The following LRCH2 variants were observed in gnomAD, a reference collection of about 807,000 sequenced individuals.
LRCH2 encodes leucine rich repeats and calponin homology domain containing 2.
A neutral mutation model predicts 68.9 loss-of-function variants in LRCH2; 38 were observed. The observed-to-expected ratio is 0.55, with a 90% CI of 0.43 to 0.72. LRCH2 has a LOEUF of 0.72. Ranked by LOEUF, LRCH2 falls within the 30% of genes least tolerant of loss-of-function variation. LRCH2 has a pLI of 0.00. For synonymous variants in LRCH2, 191 were observed against 208.1 expected (o/e 0.92, Z 0.71); for missense variants, 528 against 572.9 (o/e 0.92, Z 0.80).
chrX:115,206,406 T>C (rs1460310588), intron 1 of LRCH2, among the ~76,000 whole-genome samples: 1 of 112,037 alleles, frequency 8.9e-6, no homozygotes, highest in African/African-American at 3.2e-5. Flanking sequence ...CACTGGAAGG[T>C]TGTGGGTTTA....
chrX:115,129,712 T>C (rs911990118), intron 15 of LRCH2, among the ~76,000 whole-genome samples: 9 of 111,984 alleles, frequency 8.0e-5, no homozygotes, highest in Admixed American at 7.6e-4. Flanking sequence ...GGCTGCTGCA[T>C]AGTTTACACT....
At chrX:115,183,670 G>A (rs1427010427) in intron 3 of LRCH2, among the ~76,000 whole-genome samples, 1 of 110,894 alleles carries the variant, frequency 9.0e-6, no homozygotes, top group Non-Finnish European at 1.9e-5. Context: ...CACCAGTCTG[G>A]GCAACAGAGC....
intron 3 of LRCH2, among the ~76,000 whole-genome samples, chrX:115,183,446 G>C (rs2072709042): frequency 1.8e-5 from 2 of 111,553 alleles, no homozygotes; most frequent in Admixed American, 9.6e-5. Flanking sequence ...TGTAATGCCA[G>C]CACTTTGGGA....
intron 1 of LRCH2, chrX:115,190,909 G>A (rs868944256): frequency 8.6e-6 from 10 of 1,163,639 alleles, no homozygotes; most frequent in Non-Finnish European, 8.0e-6. Flanking sequence ...CTCGCCCGAG[G>A]CCTACAGTGG....
At chrX:115,123,464 T>A (rs1426626208) in intron 17 of LRCH2, among the ~76,000 whole-genome samples, 1 of 112,158 alleles carries the variant, frequency 8.9e-6, no homozygotes, top group Non-Finnish European at 1.9e-5. Context: ...TAAAAATGAT[T>A]ACTGAACATA....
chrX:115,177,046 C>CTT (rs35686915), intron 5 of LRCH2, among the ~76,000 whole-genome samples: 49 of 66,659 alleles, frequency 7.4e-4, no homozygotes, highest in African/African-American at 2.8e-3. Context: ...CGCACCCAGC[C>CTT]TTTTTTTTTT....
At chrX:115,140,219 C>A (rs782581375) in intron 14 of LRCH2, among the ~76,000 whole-genome samples, 1 of 111,374 alleles carries the variant, frequency 9.0e-6, no homozygotes, top group East Asian at 2.9e-4. Flanking sequence ...CCATTCCAGG[C>A]CCCAGCTCCT....
Position 115,122,789 on chromosome X carries a change from C to T in LRCH2, c.2071G>A (p.Ala691Thr). 8.3e-7 allele frequency: 1 copy of T among 1,210,851 alleles called. No homozygotes were observed. The highest frequency in any genetic ancestry group is 1.1e-6 in the Non-Finnish European group (1 of 895,044). Reference sequence around the variant, plus strand: ...GCTGGTGATGGTACATGAATACTAGCAACAGAACGTGGCCTTATATGATTG... The same window carrying T: ...GCTGGTGATGGTACATGAATACTAGTAACAGAACGTGGCCTTATATGATTG... ...LANHIRPRSV[A>T]SIHVPSPAVP... The change falls in exon 19 of 21, where the codon GCT becomes ACT. Residue 691 changes from alanine (A) to threonine (T), a missense_variant. Coordinates refer to ENST00000317135, the MANE Select transcript of LRCH2 (RefSeq NM_020871.4).
chrX:115,151,624 A>G (rs1569513514), intron 12 of LRCH2, among the ~76,000 whole-genome samples: 2 of 111,984 alleles, frequency 1.8e-5, no homozygotes, highest in Non-Finnish European at 3.8e-5. Flanking sequence ...ATAAAATGTA[A>G]AAACTAGACT....
At chrX:115,203,440 C>T (rs782490422) in intron 1 of LRCH2, among the ~76,000 whole-genome samples, 6 of 112,340 alleles carry the variant, frequency 5.3e-5, no homozygotes, top group African/African-American at 1.9e-4. Context: ...CTAATTCCAG[C>T]ATTAAGTCAA....
At chrX:115,115,998 A>G (rs1182354993) in intron 20 of LRCH2, among the ~76,000 whole-genome samples, 1 of 111,444 alleles carries the variant, frequency 9.0e-6, no homozygotes, top group Non-Finnish European at 1.9e-5. Flanking sequence ...GCAATAAGAT[A>G]TCACATCACA....
At chrX:115,168,431 C>T (rs1569514361) in intron 6 of LRCH2, among the ~76,000 whole-genome samples, 1 of 111,531 alleles carries the variant, frequency 9.0e-6, no homozygotes, top group Non-Finnish European at 1.9e-5. Flanking sequence ...AAAGTACATA[C>T]CAGATTTCAA....
At chrX:115,169,264 A>G (rs781784672) in intron 6 of LRCH2, among the ~76,000 whole-genome samples, 8 of 112,307 alleles carry the variant, frequency 7.1e-5, no homozygotes, top group Middle Eastern at 4.6e-3. Context: ...ATGACATTCA[A>G]CAAAACATAA....
chrX:115,197,427 A>C (rs2072895564), intron 1 of LRCH2, among the ~76,000 whole-genome samples: 1 of 111,944 alleles, frequency 8.9e-6, no homozygotes, highest in African/African-American at 3.3e-5. Context: ...GAATACAAAT[A>C]AAAACTTATA....
intron 1 of LRCH2, chrX:115,190,452 C>A: frequency 8.6e-7 from 1 of 1,167,204 alleles, no homozygotes; most frequent in East Asian, 3.3e-5. Context: ...GCAACTCGCC[C>A]GATGCCTGCA....
chrX:115,138,028 T>A (rs1474312070), intron 14 of LRCH2, among the ~76,000 whole-genome samples: 1 of 111,127 alleles, frequency 9.0e-6, no homozygotes, highest in Non-Finnish European at 1.9e-5. Context: ...TCAGGGATAA[T>A]GGTAGTGTCA....
intron 1 of LRCH2, among the ~76,000 whole-genome samples, chrX:115,196,147 C>T (rs1170263287): frequency 2.7e-5 from 3 of 111,450 alleles, no homozygotes; most frequent in Non-Finnish European, 5.6e-5. Context: ...TCCCAATGCT[C>T]CAATCCTGAG....
At chrX:115,158,715 C>T (rs1167659161) in intron 11 of LRCH2, among the ~76,000 whole-genome samples, 1 of 111,920 alleles carries the variant, frequency 8.9e-6, no homozygotes. Flanking sequence ...AAAGACACAA[C>T]AGAAAATACT....
At position 115,149,862 on chromosome X, in the gene LRCH2, T is replaced by C; in HGVS notation, c.1660A>G (p.Arg554Gly). The change falls in exon 14 of 21, where the codon AGG (arginine) becomes GGG (glycine). Residue 554 changes from arginine to glycine, a missense_variant. Transcript: ENST00000317135. Reference protein sequence around the residue: ...HPIIWQSEERRRSKQIRKEYF... With the variant: ...HPIIWQSEERGRSKQIRKEYF... ...TCTTTTCTAATCTGTTTGCTCCGCC[T>C]CCTTTCTTCACTCTGCCAGATTATA... 8.3e-7 allele frequency: 1 copy of C among 1,202,678 alleles called. No individual in the cohort carries two copies. The highest frequency in any genetic ancestry group is 1.1e-6 in the Non-Finnish European group (1 of 888,928).
Sources: gnomAD v4.1 joint callset for allele counts (sites outside exome capture counted in the v4.1 genomes callset) on GRCh38, gnomAD v4.1.1 for gene constraint, MANE v1.5 for transcripts, NCBI Gene and HGNC (gene_info 2026-07-23, HGNC 2026-07-21) for gene names.